TRPM7: variants seen among roughly 807,000 people sequenced by gnomAD.
TRPM7 encodes the protein LTRPC ion channel family member 7.
In TRPM7, 134 loss-of-function variants were observed where a neutral mutation model predicts 229.7. The observed-to-expected ratio is 0.58, with a 90% CI of 0.51 to 0.67. The LOEUF is 0.67. Among genes scored for constraint, TRPM7 ranks in the 30% least tolerant of loss-of-function variants. The probability of loss-of-function intolerance (pLI) is 0.00; values close to 1 mark genes in which losing one functional copy is unlikely to be tolerated. For synonymous variants in TRPM7, 699 were observed against 715.2 expected (o/e 0.98, Z 0.36); for missense variants, 1,901 against 2,210.0 (o/e 0.86, Z 2.80).
At chr15:50,659,230 C>T (rs2061667965) in intron 2 of TRPM7, among the ~76,000 whole-genome samples, 1 of 151,720 alleles carries the variant, frequency 6.6e-6, no homozygotes, top group Non-Finnish European at 1.5e-5. Context: ...TAGTGATCGC[C>T]AAGATAAGTT....
At chr15:50,617,685 T>C (rs2060266450) in intron 13 of TRPM7, among the ~76,000 whole-genome samples, 2 of 152,114 alleles carry the variant, frequency 1.3e-5, no homozygotes, top group South Asian at 2.1e-4. Flanking sequence ...GGTCTTGATG[T>C]GTACCCAGAC....
chr15:50,674,346 T>C (rs2062050413), intron 1 of TRPM7, among the ~76,000 whole-genome samples: 1 of 151,788 alleles, frequency 6.6e-6, no homozygotes, highest in Non-Finnish European at 1.5e-5. Flanking sequence ...TGGTCAGGCT[T>C]TTCTTGAACT....
intron 1 of TRPM7, among the ~76,000 whole-genome samples, chr15:50,685,451 T>TGGGCGACAGAGAGA (rs2062336363): frequency 6.6e-6 from 1 of 152,230 alleles, no homozygotes; most frequent in South Asian, 2.1e-4. Context: ...AGTGAGACCC[T>TGGGCGACAGAGAGA]GTCTCAAAAC....
At chr15:50,599,437 T>G in intron 21 of TRPM7, 141 bp from the exon 22 acceptor site, 1 of 540,128 alleles carries the variant, frequency 1.9e-6, no homozygotes, top group South Asian at 3.6e-5. Context: ...TTCCTAGTGA[T>G]AGCTTTCAGA....
chr15:50,626,819 C>G (rs1238260877), intron 11 of TRPM7, among the ~76,000 whole-genome samples: 1 of 151,362 alleles, frequency 6.6e-6, no homozygotes, highest in Non-Finnish European at 1.5e-5. Context: ...AAATCAAACA[C>G]TACAAAATGG....
At chr15:50,638,566 G>A (rs1291421928) in intron 6 of TRPM7, among the ~76,000 whole-genome samples, 1 of 151,414 alleles carries the variant, frequency 6.6e-6, no homozygotes, top group African/African-American at 2.4e-5. Context: ...AAAAGACACT[G>A]TAAAAAACAA....
At position 50,677,718 on chromosome 15, in the gene TRPM7, A is replaced by C. The variant is rs1440194342; in HGVS notation, c.3+8813T>G. On this transcript the variant is annotated intron_variant, in intron 1 of 38. Transcript: ENST00000646667. Reference sequence around the variant, plus strand: ...CACGCCACTGCACTCCAGCCTGGGCAACAGAACAAGACCCCGTATCAAAAA... The same window carrying C: ...CACGCCACTGCACTCCAGCCTGGGCCACAGAACAAGACCCCGTATCAAAAA... Among the ~76,000 whole-genome samples, 4 of 147,936 alleles carry C rather than the reference A, an allele frequency of 2.7e-5. No homozygotes were observed. In the East Asian group the frequency reaches 8.0e-4, roughly 30 times the overall value.
intron 7 of TRPM7, among the ~76,000 whole-genome samples, chr15:50,634,912 CAG>C (rs768584579): frequency 6.6e-6 from 1 of 152,100 alleles, no homozygotes; most frequent in Non-Finnish European, 1.5e-5. Context: ...GAAATGTAAA[CAG>C]TAATTTTTTA....
At chr15:50,667,732 G>A (rs530227107) in intron 1 of TRPM7, among the ~76,000 whole-genome samples, 78 of 152,156 alleles carry the variant, frequency 5.1e-4, no homozygotes, top group Non-Finnish European at 7.5e-4. Context: ...ATTTAAATAA[G>A]AAATAATAAA....
chr15:50,582,267 G>GT lies in TRPM7; in HGVS notation c.4557+821dup, dbSNP rs375848658. Among the ~76,000 whole-genome samples the GT allele has an allele frequency of 2.6e-3, 393 of 149,364 alleles. 2 individuals are homozygous for GT. The highest frequency in any genetic ancestry group is 9.0e-3 in the African/African-American group (368 of 40,808). ...AGCCACTGCACACAGCCCCCACCGAGTTTTTTTTTTATTTCTAGTTTTTCA... is the reference window on the plus strand; with the variant it reads ...AGCCACTGCACACAGCCCCCACCGAGTTTTTTTTTTTATTTCTAGTTTTTCA... On this transcript the variant is annotated intron_variant, in intron 29 of 38. Transcript: ENST00000646667.
At chr15:50,575,660 T>C in intron 33 of TRPM7, 64 bp downstream of exon 33, 2 of 1,389,020 alleles carry the variant, frequency 1.4e-6, no homozygotes, top group Non-Finnish European at 2.0e-6. Flanking sequence ...ACATTCTATA[T>C]TATAGCTAAA....
At chr15:50,612,504 A>T (rs1343259208) in intron 16 of TRPM7, 45 bp downstream of exon 16, 1 of 1,568,206 alleles carries the variant, frequency 6.4e-7, no homozygotes, top group East Asian at 2.3e-5. Flanking sequence ...AACAATACCT[A>T]CTTTGAATTT....
At chr15:50,577,756 A>C (rs1169447682) in intron 31 of TRPM7, among the ~76,000 whole-genome samples, 1 of 152,250 alleles carries the variant, frequency 6.6e-6, no homozygotes, top group Non-Finnish European at 1.5e-5. Flanking sequence ...AAACAACATG[A>C]ACAAGAATGC....
At chr15:50,607,921 G>A (rs1004059138) in intron 19 of TRPM7, among the ~76,000 whole-genome samples, 2 of 150,930 alleles carry the variant, frequency 1.3e-5, no homozygotes, top group African/African-American at 4.9e-5. Context: ...CAGACGTGGT[G>A]GTGCATGCCT....
At chr15:50,663,818 C>T (rs572229380) in intron 1 of TRPM7, among the ~76,000 whole-genome samples, 42 of 152,122 alleles carry the variant, frequency 2.8e-4, no homozygotes, top group African/African-American at 8.4e-4. Flanking sequence ...AAAAAATTAG[C>T]CAGGTATGGT....
chr15:50,565,230 C>T (rs553777448), intron 38 of TRPM7, among the ~76,000 whole-genome samples: 1 of 152,190 alleles, frequency 6.6e-6, no homozygotes, highest in African/African-American at 2.4e-5. Context: ...GATCTGCCCT[C>T]CTTAGCCTCC....
intron 36 of TRPM7, among the ~76,000 whole-genome samples, chr15:50,573,185 A>G (rs2053970930): frequency 6.6e-6 from 1 of 152,202 alleles, no homozygotes; most frequent in African/African-American, 2.4e-5. Context: ...CAACTGCTGA[A>G]TCTACTTCGC....
At chr15:50,686,006 G>C (rs1018376871) in intron 1 of TRPM7, among the ~76,000 whole-genome samples, 1 of 152,200 alleles carries the variant, frequency 6.6e-6, no homozygotes, top group African/African-American at 2.4e-5. Flanking sequence ...TGTACCTGTA[G>C]AGTATCCGCT....
chr15:50,613,891 T>C (rs1004665309), intron 14 of TRPM7, 50 bp from the exon 15 acceptor site: 20 of 1,578,800 alleles, frequency 1.3e-5, no homozygotes, highest in Non-Finnish European at 1.7e-5. Flanking sequence ...TGCTGACATG[T>C]TATAAAAATT....
Sources: gnomAD v4.1 joint callset for allele counts (sites outside exome capture counted in the v4.1 genomes callset) on GRCh38, gnomAD v4.1.1 for gene constraint, MANE v1.5 for transcripts, NCBI Gene and HGNC (gene_info 2026-07-23, HGNC 2026-07-21) for gene names.